TTC28: variants seen among roughly 807,000 people sequenced by gnomAD.
The protein encoded by TTC28 is tetratricopeptide repeat domain 28.
A neutral mutation model predicts 198.0 loss-of-function variants in TTC28; 61 were observed. The observed-to-expected ratio is 0.31, with a 90% CI of 0.25 to 0.38. The LOEUF (loss-of-function observed/expected upper bound fraction) is 0.38, where lower values mean the gene tolerates loss of function less well. Ranked by LOEUF, TTC28 falls within the 10% of genes least tolerant of loss-of-function variation. TTC28 has a pLI of 1.00. For synonymous variants in TTC28, 1,171 were observed against 1,297.8 expected, an observed-to-expected ratio of 0.90 and a Z score of 2.10; for missense variants, 2,678 against 3,164.0, an observed-to-expected ratio of 0.85 and a Z score of 3.69.
At chr22:28,250,696 G>C (rs985791081) in intron 5 of TTC28, among the ~76,000 whole-genome samples, 1 of 152,152 alleles carries the variant, frequency 6.6e-6, no homozygotes, top group Non-Finnish European at 1.5e-5. Context: ...AAGGAAAAAA[G>C]TCTGTACATA....
intron 12 of TTC28, among the ~76,000 whole-genome samples, chr22:28,037,200 C>A (rs539978704): frequency 6.6e-6 from 1 of 152,138 alleles, no homozygotes; most frequent in African/African-American, 2.4e-5. Flanking sequence ...CAAAGCCTGG[C>A]AGAGACACAA....
At chr22:28,218,508 TA>T (rs1486266853) in intron 5 of TTC28, among the ~76,000 whole-genome samples, 1 of 152,112 alleles carries the variant, frequency 6.6e-6, no homozygotes, top group Non-Finnish European at 1.5e-5. Flanking sequence ...TCAGTTTTGA[TA>T]AAATTTCTCC....
rs187077556 is a variant in TTC28 at position 28,267,350 on chromosome 22, T to A, written c.933+28848A>T. 5.3e-5 allele frequency among the ~76,000 whole-genome samples: 8 copies of A among 152,330 alleles called. No homozygotes were observed. The East Asian group carries it at 1.5e-3, about 29-fold the overall frequency. ...GTTTCTCAAGAGTCTAATCTTGGCA[T>A]ATCAATGTGGAAGAAAGTTTATAAG... On this transcript the variant is annotated intron_variant, in intron 5 of 22. Transcript: ENST00000397906.
chr22:28,000,106 C>T lies in TTC28; in HGVS notation c.4399-846G>A, dbSNP rs1486485499. On this transcript the variant is annotated intron_variant, in intron 15 of 22. Coordinates refer to ENST00000397906, the MANE Select transcript of TTC28 (RefSeq NM_001145418.2). ...GCTGCTATCAGCCGGCACGGTGGGCCGCTGGGTGGCAGGAGCGTCGAGAAG... is the reference window on the plus strand; with the variant it reads ...GCTGCTATCAGCCGGCACGGTGGGCTGCTGGGTGGCAGGAGCGTCGAGAAG... The T allele has an allele frequency of 5.3e-5, 8 of 152,150 alleles. No individual in the cohort carries two copies. The East Asian group carries it at 1.2e-3, about 22-fold the overall frequency. The allele number at this position is 152,150 out of a possible 1,614,324, so 9.4% of individuals were successfully genotyped here. A position where few individuals can be genotyped will look rare whatever the true frequency, so the allele number is the denominator to read the frequency against.
In TTC28 at chr22:28,096,343, C is replaced by T. The variant is rs1447540307; in HGVS notation, c.3613G>A (p.Val1205Met). 1.7e-5 allele frequency: 26 copies of T among 1,551,934 alleles called. No individual in the cohort carries two copies. The highest frequency in any genetic ancestry group is 2.1e-5 in the Non-Finnish European group (24 of 1,147,090). ...GRTRAFADLL[V>M]ERQTGQQDSD... ...TCTTGTTGTCCTGTTTGTCGTTCCACCAGAAGATCAGCAAATGCCCTTGTC... is the reference window on the plus strand; with the variant it reads ...TCTTGTTGTCCTGTTTGTCGTTCCATCAGAAGATCAGCAAATGCCCTTGTC... The change falls in exon 11 of 23, where the codon GTG becomes ATG. Residue 1205 changes from valine to methionine, a missense_variant. By Grantham distance (21) the Val-to-Met change is conservative (BLOSUM62 1). Coordinates refer to ENST00000397906, the MANE Select transcript of TTC28 (RefSeq NM_001145418.2).
intron 5 of TTC28, among the ~76,000 whole-genome samples, chr22:28,189,640 T>C (rs1924543660): frequency 6.6e-6 from 1 of 151,320 alleles, no homozygotes; most frequent in Admixed American, 6.6e-5. Flanking sequence ...GATCTCCAAA[T>C]ATTCTGGTAG....
chr22:28,520,679 G>T (rs1225805960), intron 2 of TTC28, among the ~76,000 whole-genome samples: 2 of 152,006 alleles, frequency 1.3e-5, no homozygotes, highest in Non-Finnish European at 2.9e-5. Context: ...GATTGCTTAA[G>T]CCCAGTAGTT....
intron 2 of TTC28, among the ~76,000 whole-genome samples, chr22:28,431,973 G>A (rs1014529552): frequency 6.9e-6 from 1 of 145,278 alleles, no homozygotes; most frequent in African/African-American, 2.6e-5. Flanking sequence ...GTGAGACTCT[G>A]TCTTAAAATA....
intron 14 of TTC28, among the ~76,000 whole-genome samples, chr22:28,009,772 T>G (rs538427886): frequency 6.6e-6 from 1 of 152,350 alleles, no homozygotes; most frequent in South Asian, 2.1e-4. Flanking sequence ...TCCCCAGGTT[T>G]AGGACAGTGT....
chr22:28,205,959 C>CG (rs1224812940), intron 5 of TTC28, among the ~76,000 whole-genome samples: 4 of 150,766 alleles, frequency 2.7e-5, no homozygotes, highest in African/African-American at 9.8e-5. Context: ...TTACAGGCCC[C>CG]GGCTGCACAA....
chr22:28,033,728 TC>T (rs1388937604), intron 12 of TTC28, among the ~76,000 whole-genome samples: 1 of 152,226 alleles, frequency 6.6e-6, no homozygotes, highest in Non-Finnish European at 1.5e-5. Flanking sequence ...ATCCTACTAT[TC>T]CCAAATCCTG....
chr22:28,525,582 G>A (rs942577749), intron 2 of TTC28, among the ~76,000 whole-genome samples: 1 of 152,194 alleles, frequency 6.6e-6, no homozygotes, highest in Admixed American at 6.5e-5. Flanking sequence ...TTAAACTTAA[G>A]AGAACTTCAT....
At chr22:28,609,188 T>C (rs911076406) in intron 2 of TTC28, among the ~76,000 whole-genome samples, 15 of 152,182 alleles carry the variant, frequency 9.9e-5, no homozygotes, top group Non-Finnish European at 1.9e-4. Context: ...AGCAATATCT[T>C]ACCAAATGGA....
intron 6 of TTC28, among the ~76,000 whole-genome samples, chr22:28,158,285 C>T (rs956476771): frequency 6.6e-6 from 1 of 151,982 alleles, no homozygotes; most frequent in African/African-American, 2.4e-5. Context: ...GAAAAATCTT[C>T]CACATTCATG....
chr22:28,032,204 A>AAAT (rs1939133246), intron 12 of TTC28, among the ~76,000 whole-genome samples: 1 of 112,782 alleles, frequency 8.9e-6, no homozygotes, highest in Non-Finnish European at 1.9e-5. Flanking sequence ...TATATATATA[A>AAAT]AATATATATA....
chr22:28,325,599 A>C (rs2145859343), intron 2 of TTC28, among the ~76,000 whole-genome samples: 1 of 152,288 alleles, frequency 6.6e-6, no homozygotes, highest in South Asian at 2.1e-4. Flanking sequence ...AACCCAAAAG[A>C]GGATGTATAT....
intron 12 of TTC28, among the ~76,000 whole-genome samples, chr22:28,040,193 T>C (rs1440909466): frequency 6.6e-6 from 1 of 152,168 alleles, no homozygotes; most frequent in Non-Finnish European, 1.5e-5. Context: ...TCTGAAACTA[T>C]TCCAATCAAT....
At chr22:28,562,203 A>C (rs1335910641) in intron 2 of TTC28, among the ~76,000 whole-genome samples, 1 of 152,250 alleles carries the variant, frequency 6.6e-6, no homozygotes, top group Non-Finnish European at 1.5e-5. Flanking sequence ...TACATGGAGA[A>C]GAGAATAAAA....
chr22:28,372,476 A>C (rs1332483803), intron 2 of TTC28, among the ~76,000 whole-genome samples: 2 of 150,860 alleles, frequency 1.3e-5, no homozygotes, highest in Admixed American at 1.3e-4. Flanking sequence ...TGTTCCCTGA[A>C]TCCTCCACCA....
Sources: gnomAD v4.1 joint callset for allele counts (sites outside exome capture counted in the v4.1 genomes callset) on GRCh38, gnomAD v4.1.1 for gene constraint, MANE v1.5 for transcripts, NCBI Gene and HGNC (gene_info 2026-07-23, HGNC 2026-07-21) for gene names.